STPG2: variants seen among roughly 807,000 people sequenced by gnomAD.
STPG2 encodes the protein sperm-tail PG-rich repeat-containing protein 2.
STPG2 carries 56 observed loss-of-function variants against 54.2 expected under a neutral mutation model. The ratio of observed to expected loss-of-function variants is 1.03; its 90% CI spans 0.83 to 1.29. STPG2 has a LOEUF of 1.29. Ranked by LOEUF, STPG2 falls within the 50% of genes most tolerant of loss-of-function variation. The pLI, the probability that STPG2 is intolerant of heterozygous loss-of-function variation, is 0.00. For missense variants in STPG2, 596 were observed against 544.9 expected (o/e 1.09, Z -0.93); for synonymous variants, 200 against 181.8 (o/e 1.10, Z -0.81).
chr4:97,953,835 G>A (rs182644343), intron 7 of STPG2, among the ~76,000 whole-genome samples: 116 of 152,268 alleles, frequency 7.6e-4, no homozygotes, highest in African/African-American at 2.6e-3. Context: ...AAGGGTCTGT[G>A]ATTTATTTCA....
intron 10 of STPG2, 75 bp from the exon 11 acceptor site, chr4:97,559,192 C>T: frequency 1.1e-6 from 1 of 949,676 alleles, no homozygotes; most frequent in Non-Finnish European, 1.6e-6. Flanking sequence ...ATTATTTAAA[C>T]ATTACCAAAG....
chr4:97,637,211 C>G (rs1369760832), intron 10 of STPG2, among the ~76,000 whole-genome samples: 2 of 152,074 alleles, frequency 1.3e-5, no homozygotes, highest in Non-Finnish European at 2.9e-5. Flanking sequence ...TAAATGTAAT[C>G]CAGCATATAA....
intron 10 of STPG2, among the ~76,000 whole-genome samples, chr4:97,628,352 A>G (rs1225339407): frequency 6.6e-6 from 1 of 152,160 alleles, no homozygotes; most frequent in Non-Finnish European, 1.5e-5. Context: ...ACCTTGCTCA[A>G]AAAATAAAGC....
At chr4:97,864,590 A>G (rs1425741348) in intron 8 of STPG2, among the ~76,000 whole-genome samples, 1 of 152,112 alleles carries the variant, frequency 6.6e-6, no homozygotes, top group Non-Finnish European at 1.5e-5. Context: ...GAAAAAAACA[A>G]CTTTAAAGTT....
At chr4:97,854,914 C>T (rs1560555822) in intron 8 of STPG2, among the ~76,000 whole-genome samples, 2 of 152,162 alleles carry the variant, frequency 1.3e-5, no homozygotes, top group African/African-American at 4.8e-5. Flanking sequence ...CGTCTTGCCT[C>T]CAACAAGGCC....
intron 10 of STPG2, among the ~76,000 whole-genome samples, chr4:97,683,689 T>G (rs772654327): frequency 1.8e-4 from 28 of 151,808 alleles, no homozygotes; most frequent in Non-Finnish European, 3.7e-4. Context: ...CGAGATGCTT[T>G]TCTCGTAAGA....
chr4:97,446,763 C>T (rs1489412311), intron 4 of STPG2, among the ~76,000 whole-genome samples: 1 of 152,166 alleles, frequency 6.6e-6, no homozygotes, highest in Non-Finnish European at 1.5e-5. Context: ...TCGCCTTCCA[C>T]CATGATTGTA....
chr4:97,991,579 C>A (rs953040926), intron 5 of STPG2, among the ~76,000 whole-genome samples: 2 of 151,754 alleles, frequency 1.3e-5, no homozygotes, highest in African/African-American at 4.8e-5. Context: ...GTGCAAGTAT[C>A]TTTTTCGTAC....
intron 9 of STPG2, among the ~76,000 whole-genome samples, chr4:97,813,209 A>T (rs1156582497): frequency 1.3e-5 from 2 of 151,616 alleles, no homozygotes; most frequent in Non-Finnish European, 2.9e-5. Context: ...AACGCTAGGT[A>T]TAACTGTGCA....
intron 5 of STPG2, among the ~76,000 whole-genome samples, chr4:98,096,330 A>G (rs1020304114): frequency 6.6e-6 from 1 of 152,118 alleles, no homozygotes; most frequent in Non-Finnish European, 1.5e-5. Context: ...CCAGGAAGTC[A>G]AGGCTGCAGT....
chr4:97,505,873 AT>A (rs994492756), intron 4 of STPG2, among the ~76,000 whole-genome samples: 3 of 151,644 alleles, frequency 2.0e-5, no homozygotes, highest in African/African-American at 2.4e-5. Flanking sequence ...ATTATTTATT[AT>A]GGATATTTAG....
chr4:97,962,801 C>A (rs1733939057), intron 7 of STPG2, among the ~76,000 whole-genome samples: 1 of 152,182 alleles, frequency 6.6e-6, no homozygotes, highest in East Asian at 1.9e-4. Flanking sequence ...TTCAAACACT[C>A]TGAGTCCAGA....
chr4:97,925,182 C>A (rs755821449), intron 8 of STPG2, among the ~76,000 whole-genome samples: 2 of 152,228 alleles, frequency 1.3e-5, no homozygotes, highest in Non-Finnish European at 2.9e-5. Context: ...ATTGCATTCT[C>A]TTCACAATCT....
At chr4:97,660,114 T>C (rs990382494) in intron 10 of STPG2, among the ~76,000 whole-genome samples, 1 of 151,876 alleles carries the variant, frequency 6.6e-6, no homozygotes, top group Non-Finnish European at 1.5e-5. Flanking sequence ...ACCATTCTCC[T>C]GCCTCAGCCT....
At chr4:97,909,407 T>C (rs1247043021) in intron 8 of STPG2, among the ~76,000 whole-genome samples, 1 of 152,090 alleles carries the variant, frequency 6.6e-6, no homozygotes, top group Non-Finnish European at 1.5e-5. Context: ...AACAACAATC[T>C]CACACAAATT....
intron 8 of STPG2, among the ~76,000 whole-genome samples, chr4:97,924,752 T>G (rs1732271684): frequency 6.6e-6 from 1 of 152,218 alleles, no homozygotes; most frequent in South Asian, 2.1e-4. Flanking sequence ...TAATACCATA[T>G]TATAACATAT....
At chr4:97,683,890 A>T (rs1358209231) in intron 10 of STPG2, among the ~76,000 whole-genome samples, 4 of 151,870 alleles carry the variant, frequency 2.6e-5, no homozygotes, top group Admixed American at 2.6e-4. Context: ...TCTTTCTGGA[A>T]CTAATAAGCA....
At chr4:98,019,977 AC>A (rs1374866103) in intron 5 of STPG2, among the ~76,000 whole-genome samples, 2 of 121,814 alleles carry the variant, frequency 1.6e-5, no homozygotes, top group African/African-American at 6.6e-5. Context: ...GGACAATTTG[AC>A]TTCCTCTTTT....
intron 5 of STPG2, among the ~76,000 whole-genome samples, chr4:98,001,067 A>T (rs1445556469): frequency 6.6e-6 from 1 of 152,136 alleles, no homozygotes; most frequent in African/African-American, 2.4e-5. Flanking sequence ...TTGATTCCGT[A>T]TTACATCTGC....
Sources: gnomAD v4.1 joint callset for allele counts (sites outside exome capture counted in the v4.1 genomes callset) on GRCh38, gnomAD v4.1.1 for gene constraint, MANE v1.5 for transcripts, NCBI Gene and HGNC (gene_info 2026-07-23, HGNC 2026-07-21) for gene names.